SLC35F3: variants seen among roughly 807,000 people sequenced by gnomAD.
The protein encoded by SLC35F3 is solute carrier family 35 member F3.
Under a neutral mutation model 49.9 loss-of-function variants are expected in SLC35F3, and 25 were observed. The ratio of observed to expected loss-of-function variants is 0.50; its 90% CI spans 0.37 to 0.70. The LOEUF (loss-of-function observed/expected upper bound fraction) is 0.70. Among genes scored for constraint, SLC35F3 ranks in the 30% least tolerant of loss-of-function variants. The pLI is 0.00. For missense variants in SLC35F3, 525 were observed against 639.8 expected (o/e 0.82, Z 1.94); for synonymous variants, 275 against 265.4 (o/e 1.04, Z -0.35).
At chr1:233,959,714 G>A (rs546788037) in intron 2 of SLC35F3, among the ~76,000 whole-genome samples, 5 of 152,310 alleles carry the variant, frequency 3.3e-5, no homozygotes, top group Admixed American at 3.3e-4. Context: ...CTAAGTTTCA[G>A]CTGGACCCAA....
chr1:233,910,511 G>A (rs1661856817), intron 2 of SLC35F3, among the ~76,000 whole-genome samples: 1 of 152,204 alleles, frequency 6.6e-6, no homozygotes, highest in Non-Finnish European at 1.5e-5. Context: ...AGAGAGAAGT[G>A]CTGGAAGAGG....
chr1:234,014,352 G>A (rs1311463053), intron 2 of SLC35F3, among the ~76,000 whole-genome samples: 3 of 152,072 alleles, frequency 2.0e-5, no homozygotes, highest in African/African-American at 7.2e-5. Flanking sequence ...CACAATAGAG[G>A]CCGTATATGA....
chr1:234,195,846 T>G (rs1010410196), intron 2 of SLC35F3, among the ~76,000 whole-genome samples: 8 of 152,148 alleles, frequency 5.3e-5, no homozygotes, highest in African/African-American at 1.9e-4. Flanking sequence ...TCTCACAAGA[T>G]CTGATGGTTT....
chr1:233,985,566 G>A (rs768598824), intron 2 of SLC35F3, among the ~76,000 whole-genome samples: 15 of 152,010 alleles, frequency 9.9e-5, no homozygotes, highest in Non-Finnish European at 1.8e-4. Flanking sequence ...TCTTGGAGCC[G>A]CTTGAGACCC....
At chr1:234,096,276 T>C (rs1049282216) in intron 2 of SLC35F3, among the ~76,000 whole-genome samples, 1 of 152,002 alleles carries the variant, frequency 6.6e-6, no homozygotes, top group Non-Finnish European at 1.5e-5. Context: ...CACATCACCC[T>C]TTTTCCTCGG....
chr1:233,942,207 C>T (rs529671575), intron 2 of SLC35F3, among the ~76,000 whole-genome samples: 7 of 151,842 alleles, frequency 4.6e-5, no homozygotes, highest in East Asian at 3.9e-4. Flanking sequence ...GTGAGCCGCC[C>T]GCCTCAGCCT....
intron 2 of SLC35F3, among the ~76,000 whole-genome samples, chr1:234,161,787 C>T (rs146225745): frequency 1.3e-4 from 20 of 152,226 alleles, no homozygotes; most frequent in Non-Finnish European, 2.8e-4. Flanking sequence ...GCTTGGGTGA[C>T]AGAGTGAGAC....
rs192752600 is a variant in SLC35F3 at position 234,051,845 on chromosome 1, A to G, written c.283+146087A>G. On this transcript the variant is annotated intron_variant, in intron 2 of 7. Transcript: ENST00000366618. ...ACCTAGTTTATTGAGAGTTTTTCGC[A>G]TGAAGCACTGTTGAATTCTGTTGAA... Among the ~76,000 whole-genome samples the G allele has an allele frequency of 6.6e-5, 10 of 152,338 alleles. No individual in the cohort carries two copies. In the East Asian group the frequency reaches 1.7e-3, roughly 26 times the overall value.
At chr1:234,081,123 T>G (rs1014455275) in intron 2 of SLC35F3, among the ~76,000 whole-genome samples, 4 of 152,206 alleles carry the variant, frequency 2.6e-5, no homozygotes, top group African/African-American at 9.7e-5. Context: ...CTTCAGTCTC[T>G]TCAGTCTTTC....
chr1:234,158,615 A>G (rs1365741680), intron 2 of SLC35F3, among the ~76,000 whole-genome samples: 1 of 152,172 alleles, frequency 6.6e-6, no homozygotes, highest in Non-Finnish European at 1.5e-5. Context: ...GTTTTTCATG[A>G]TCATAAGGAA....
At chr1:234,122,790 A>G (rs1490682763) in intron 2 of SLC35F3, among the ~76,000 whole-genome samples, 1 of 152,214 alleles carries the variant, frequency 6.6e-6, no homozygotes, top group Non-Finnish European at 1.5e-5. Flanking sequence ...CCTGCAAAGG[A>G]CATGATCTCA....
chr1:234,023,871 G>A (rs892034825), intron 2 of SLC35F3, among the ~76,000 whole-genome samples: 6 of 150,930 alleles, frequency 4.0e-5, no homozygotes, highest in African/African-American at 1.5e-4. Context: ...TAAAATTCCT[G>A]ACCAATACTT....
At position 234,214,548 on chromosome 1, in the gene SLC35F3, C is replaced by A; in HGVS notation, c.284-16869C>A. 1 of 1,559,436 alleles carries A rather than the reference C, an allele frequency of 6.4e-7. No homozygotes were observed. The highest frequency in any genetic ancestry group is 8.7e-7 in the Non-Finnish European group (1 of 1,155,236). On this transcript the variant is annotated intron_variant, in intron 2 of 7. Coordinates refer to ENST00000366618, the MANE Select transcript of SLC35F3 (RefSeq NM_173508.4). This position sits in a 1 kb window ranked among gnomAD's most constrained non-coding sequence, Gnocchi z 8.0. ...GCCCCGCTCAGCGCCTGCAACAGTCCGGTCCTGACCCTTACCAAAGTGGAA... is the reference window on the plus strand; with the variant it reads ...GCCCCGCTCAGCGCCTGCAACAGTCAGGTCCTGACCCTTACCAAAGTGGAA...
At position 234,154,055 on chromosome 1, in the gene SLC35F3, C is replaced by T. The variant is rs1173301556; in HGVS notation, c.284-77362C>T. On this transcript the variant is annotated intron_variant, in intron 2 of 7. Coordinates refer to ENST00000366618, the MANE Select transcript of SLC35F3 (RefSeq NM_173508.4). ...CCAGCCTGGGCAACAGAGCGAGACT[C>T]CGTCTCAAAAAAAAAAACAAAAAAC... Among the ~76,000 whole-genome samples, 4 of 150,492 alleles carry T rather than the reference C, an allele frequency of 2.7e-5. No individual in the cohort carries two copies. The East Asian group carries it at 7.8e-4, about 29-fold the overall frequency.
intron 3 of SLC35F3, among the ~76,000 whole-genome samples, chr1:234,247,713 T>G (rs1667657990): frequency 6.6e-6 from 1 of 151,680 alleles, no homozygotes; most frequent in African/African-American, 2.4e-5. Flanking sequence ...GTGGGTTGGT[T>G]GGCTGGTCCA....
intron 2 of SLC35F3, among the ~76,000 whole-genome samples, chr1:234,062,296 CAGT>C (rs796829939): frequency 2.5e-4 from 38 of 152,312 alleles, no homozygotes; most frequent in African/African-American, 8.2e-4. Context: ...CCTAGGATGA[CAGT>C]GGTGTTGGCA....
chr1:234,046,186 A>AAGAG lies in SLC35F3; in HGVS notation c.283+140428_283+140429insAGAG, dbSNP rs1381922179. Among the ~76,000 whole-genome samples the AAGAG allele has an allele frequency of 5.9e-5, 9 of 152,278 alleles. No individual in the cohort carries two copies. Among genetic ancestry groups the AAGAG allele is most frequent in the African/African-American group, 2.2e-4 (9 of 41,572 alleles). On this transcript the variant is annotated intron_variant, in intron 2 of 7. Transcript: ENST00000366618. The surrounding 1 kb of genome is among the most constrained non-coding windows in gnomAD (Gnocchi z 4.4). ...ATTGTGAGGTCAGAGTTATGAGCATATTTGGCTTTTAAGAGCATGTTACAC... is the reference window on the plus strand; with the variant it reads ...ATTGTGAGGTCAGAGTTATGAGCATAAGAGTTTGGCTTTTAAGAGCATGTTACAC...
chr1:234,231,795 G>T lies in SLC35F3; in HGVS notation c.608+54G>T, dbSNP rs548615895. Reference sequence around the variant, plus strand: ...CTGACCCCGGGCTGCTCCATCCAGCGCTGACTCTGCAGAGCTGCCCCTGGT... The same window carrying T: ...CTGACCCCGGGCTGCTCCATCCAGCTCTGACTCTGCAGAGCTGCCCCTGGT... On this transcript the variant is annotated intron_variant, in intron 3 of 7. Coordinates refer to ENST00000366618, the MANE Select transcript of SLC35F3 (RefSeq NM_173508.4). The surrounding 1 kb of genome is among the most constrained non-coding windows in gnomAD (Gnocchi z 5.4). 2.0e-6 allele frequency: 3 copies of T among 1,509,084 alleles called. No individual in the cohort carries two copies. The East Asian group carries it at 6.8e-5, about 34-fold the overall frequency. The allele number at this position is 1,509,084 out of a possible 1,614,324, so 93.5% of individuals were successfully genotyped here. A position where few individuals can be genotyped will look rare whatever the true frequency, so the allele number is the denominator to read the frequency against.
chr1:234,156,897 G>A (rs1190183459), intron 2 of SLC35F3, among the ~76,000 whole-genome samples: 1 of 152,126 alleles, frequency 6.6e-6, no homozygotes, highest in Admixed American at 6.5e-5. Context: ...TTTAAATGAG[G>A]TGTCCAGATT....
Sources: gnomAD v4.1 joint callset for allele counts (sites outside exome capture counted in the v4.1 genomes callset) on GRCh38, gnomAD v4.1.1 for gene constraint, Gnocchi (gnomAD v3.1) non-coding constraint, MANE v1.5 for transcripts, NCBI Gene and HGNC (gene_info 2026-07-23, HGNC 2026-07-21) for gene names.